The following DGKH variants were observed in gnomAD, a reference collection of about 807,000 sequenced individuals.
DGKH encodes the protein DAG kinase eta.
DGKH carries 90 observed loss-of-function variants against 159.3 expected under a neutral mutation model. The ratio of observed to expected loss-of-function variants is 0.57; its 90% CI spans 0.48 to 0.67. The LOEUF (loss-of-function observed/expected upper bound fraction) is 0.67, where lower values mean the gene tolerates loss of function less well. Ranked by LOEUF, DGKH falls within the 30% of genes least tolerant of loss-of-function variation. DGKH has a pLI of 0.00. For synonymous variants in DGKH, 536 were observed against 553.8 expected, an observed-to-expected ratio of 0.97 and a Z score of 0.45; for missense variants, 1,181 against 1,506.1, an observed-to-expected ratio of 0.78 and a Z score of 3.57.
chr13:42,111,370 AG>A (rs1370170096), intron 1 of DGKH, among the ~76,000 whole-genome samples: 11 of 152,210 alleles, frequency 7.2e-5, no homozygotes, highest in African/African-American at 2.7e-4. Context: ...TCTTGAGGTC[AG>A]GAGTTCGAGA....
chr13:42,214,844 A>AC (rs1272180184), intron 25 of DGKH, among the ~76,000 whole-genome samples: 5 of 151,894 alleles, frequency 3.3e-5, no homozygotes, highest in African/African-American at 1.2e-4. Flanking sequence ...ATCACTTGTC[A>AC]CCTTCCATCT....
At chr13:42,083,611 T>A (rs542317037) in intron 1 of DGKH, among the ~76,000 whole-genome samples, 1 of 152,268 alleles carries the variant, frequency 6.6e-6, no homozygotes, top group East Asian at 1.9e-4. Flanking sequence ...GGATGCGGGC[T>A]GAACTGGGCT....
At chr13:42,150,836 T>G (rs1414198679) in intron 3 of DGKH, among the ~76,000 whole-genome samples, 1 of 152,042 alleles carries the variant, frequency 6.6e-6, no homozygotes, top group Non-Finnish European at 1.5e-5. Flanking sequence ...ACAGAATGAG[T>G]GGCACGTTAC....
intron 1 of DGKH, among the ~76,000 whole-genome samples, chr13:42,065,602 G>A (rs1356495096): frequency 6.6e-6 from 1 of 152,148 alleles, no homozygotes; most frequent in Non-Finnish European, 1.5e-5. Context: ...GTAATTGAGG[G>A]TCTGGAGTGA....
chr13:42,047,176 C>T (rs2137629121), upstream of DGKH, among the ~76,000 whole-genome samples: 1 of 152,330 alleles, frequency 6.6e-6, no homozygotes, highest in South Asian at 2.1e-4. Flanking sequence ...AGTCTCCTGT[C>T]TTTAAATATT....
chr13:42,123,878 G>T (rs1955122162), intron 1 of DGKH, among the ~76,000 whole-genome samples: 1 of 152,182 alleles, frequency 6.6e-6, no homozygotes, highest in Admixed American at 6.5e-5. Flanking sequence ...ACCAGTGGTT[G>T]CCTGGGGACA....
chr13:42,144,424 C>A (rs181116584), intron 3 of DGKH, among the ~76,000 whole-genome samples: 1 of 152,080 alleles, frequency 6.6e-6, no homozygotes, highest in Non-Finnish European at 1.5e-5. Flanking sequence ...CGGTGGCTCA[C>A]GCCTGTAATC....
Position 42,234,152 on chromosome 13 carries a change from T to A in DGKH, c.*4964T>A, listed in dbSNP as rs1191177128. On this transcript the variant is annotated 3_prime_UTR_variant, in exon 30 of 30. Coordinates refer to ENST00000337343, the MANE Select transcript of DGKH (RefSeq NM_178009.5). ...TAACAGTTTACTTAATTTTATAAGATTTTTCCCAATGAGACTTATTTTCAG... is the reference window on the plus strand; with the variant it reads ...TAACAGTTTACTTAATTTTATAAGAATTTTCCCAATGAGACTTATTTTCAG... 1 of 131,764 alleles carries A rather than the reference T, an allele frequency of 7.6e-6. No individual in the cohort carries two copies. Among genetic ancestry groups the A allele is most frequent in the East Asian group, 2.3e-4 (1 of 4,440 alleles). The allele number at this position is 131,764 out of a possible 1,614,324, so 8.2% of individuals were successfully genotyped here. A position where few individuals can be genotyped will look rare whatever the true frequency, so the allele number is the denominator to read the frequency against.
intron 26 of DGKH, among the ~76,000 whole-genome samples, chr13:42,218,186 G>A (rs913763695): frequency 2.6e-5 from 4 of 152,196 alleles, no homozygotes; most frequent in African/African-American, 9.6e-5. Context: ...CTGTGCAGAG[G>A]AATGTTTATT....
intron 22 of DGKH, 105 bp from the exon 23 acceptor site, chr13:42,209,226 A>C: frequency 6.9e-7 from 1 of 1,445,448 alleles, no homozygotes; most frequent in Non-Finnish European, 9.4e-7. Flanking sequence ...GTGATAAAGC[A>C]TAATAGTCTA....
At position 42,159,263 on chromosome 13, in the gene DGKH, T is replaced by TTTTTTTTTTTGTGTTTAA; in HGVS notation, c.623-3_623-2insTTTTTTTTTTGTGTTTAA. ...GTTGCTCTTTTTTTTTTTTTTTTTT[T>TTTTTTTTTTTGTGTTTAA]AGTGTGTAAATTCAAGGCTCACAAA... On this transcript the variant is annotated splice_polypyrimidine_tract_variant and splice_region_variant and intron_variant, in intron 5 of 29. Coordinates refer to ENST00000337343, the MANE Select transcript of DGKH (RefSeq NM_178009.5). The TTTTTTTTTTTGTGTTTAA allele has an allele frequency of 1.6e-6, 2 of 1,249,718 alleles. No homozygotes were observed. The highest frequency in any genetic ancestry group is 2.2e-6 in the Non-Finnish European group (2 of 894,572). 77.4% of individuals were successfully genotyped at this position (1,249,718 alleles called of 1,614,324 possible).
At chr13:42,052,645 G>A (rs986339347) in intron 1 of DGKH, among the ~76,000 whole-genome samples, 1 of 152,214 alleles carries the variant, frequency 6.6e-6, no homozygotes, top group Non-Finnish European at 1.5e-5. Flanking sequence ...TTGAAACAAC[G>A]CTAATACAGA....
At chr13:42,088,888 G>A (rs187215989) in intron 1 of DGKH, among the ~76,000 whole-genome samples, 1 of 152,150 alleles carries the variant, frequency 6.6e-6, no homozygotes. Flanking sequence ...TAAATACAAA[G>A]ATACAGATGT....
In DGKH at chr13:42,194,948, T is replaced by C; in HGVS notation, c.2099T>C (p.Val700Ala). The C allele has an allele frequency of 6.2e-7, 1 of 1,614,064 alleles. No individual in the cohort carries two copies. Among genetic ancestry groups the C allele is most frequent in the Non-Finnish European group, 8.5e-7 (1 of 1,179,970 alleles). The change falls in exon 17 of 30, where the codon GTC becomes GCC. Residue 700 changes from valine (V) to alanine (A), a missense_variant. This residue lies in a region of DGKH where 257 missense variants were observed against 281.5 expected (regional missense o/e 0.91). Transcript: ENST00000337343. ...TATGGCCATTCCCAAACTGATTCTG[T>C]CCCTGGTCCAGCTGTGGCAGCCAGC... Reference protein sequence around the residue: ...ASYGHSQTDSVPGPAVAASKE... With the variant: ...ASYGHSQTDSAPGPAVAASKE...
In DGKH at chr13:42,234,768, G is replaced by C. The variant is rs1019262676; in HGVS notation, c.*5580G>C. Reference sequence around the variant, plus strand: ...TGCCATGGGTTTCTCTCCTCTCACTGCCTGCCCCAGTGCCATGATGTCTGG... The same window carrying C: ...TGCCATGGGTTTCTCTCCTCTCACTCCCTGCCCCAGTGCCATGATGTCTGG... On this transcript the variant is annotated 3_prime_UTR_variant, in exon 30 of 30. Transcript: ENST00000337343. 2.0e-5 allele frequency: 3 copies of C among 152,130 alleles called. No individual in the cohort carries two copies. The highest frequency in any genetic ancestry group is 7.2e-5 in the African/African-American group (3 of 41,426). 9.4% of individuals were successfully genotyped at this position (152,130 alleles called of 1,614,324 possible).
intron 2 of DGKH, 124 bp downstream of exon 2, chr13:42,127,697 T>C: frequency 4.3e-6 from 3 of 705,756 alleles, no homozygotes; most frequent in Middle Eastern, 3.2e-4. Flanking sequence ...GAATTCAATA[T>C]AAATGTGATC....
chr13:42,219,564 A>C (rs766095862), intron 27 of DGKH, 122 bp from the exon 28 acceptor site: 2 of 1,204,540 alleles, frequency 1.7e-6, no homozygotes, highest in Non-Finnish European at 1.1e-6. Flanking sequence ...TTTTTGAAGA[A>C]GTTATCACTG....
chr13:42,124,271 C>T (rs1440190279), intron 1 of DGKH, among the ~76,000 whole-genome samples: 57 of 150,426 alleles, frequency 3.8e-4, no homozygotes, highest in Admixed American at 3.8e-3. Context: ...AATACTGATA[C>T]GCACTTACTA....
At chr13:42,135,849 A>G (rs1423588799) in intron 3 of DGKH, among the ~76,000 whole-genome samples, 1 of 152,170 alleles carries the variant, frequency 6.6e-6, no homozygotes, top group African/African-American at 2.4e-5. Flanking sequence ...CTATCTGGGT[A>G]GTCTCTGCCT....
Sources: gnomAD v4.1 joint callset for allele counts (sites outside exome capture counted in the v4.1 genomes callset) on GRCh38, gnomAD v4.1.1 for gene constraint, gnomAD v4.1.1 regional missense constraint, MANE v1.5 for transcripts, NCBI Gene and HGNC (gene_info 2026-07-23, HGNC 2026-07-21) for gene names.